CCDC30: variants seen among roughly 807,000 people sequenced by gnomAD.
CCDC30 encodes coiled-coil domain containing 30.
Under a neutral mutation model 100.2 loss-of-function variants are expected in CCDC30, and 70 were observed. That is an observed-to-expected ratio of 0.70 (90% CI 0.58 to 0.85). The LOEUF is 0.85. CCDC30 is among the 40% of genes least tolerant of loss of function. The probability of loss-of-function intolerance (pLI) is 0.00; values close to 1 mark genes in which losing one functional copy is unlikely to be tolerated. For synonymous variants in CCDC30, 233 were observed against 269.5 expected (o/e 0.86, Z 1.33); for missense variants, 652 against 771.2 (o/e 0.85, Z 1.83).
chr1:42,586,475 A>T (rs1646071462), intron 9 of CCDC30, among the ~76,000 whole-genome samples: 1 of 149,840 alleles, frequency 6.7e-6, no homozygotes, highest in South Asian at 2.1e-4. Context: ...CCAGCTAATT[A>T]AAAAAAAAAT....
intron 6 of CCDC30, among the ~76,000 whole-genome samples, chr1:42,548,744 G>GGTCTCTAT (rs1395877349): frequency 1.3e-5 from 2 of 152,122 alleles, no homozygotes; most frequent in Non-Finnish European, 2.9e-5. Context: ...ATTCATGGGT[G>GGTCTCTAT]GTCTCTATGG....
At chr1:42,640,757 G>A (rs983217818) in intron 12 of CCDC30, among the ~76,000 whole-genome samples, 2 of 151,848 alleles carry the variant, frequency 1.3e-5, no homozygotes, top group African/African-American at 2.4e-5. Flanking sequence ...AGCTGGGTGC[G>A]GTGGTGGGCA....
intron 10 of CCDC30, chr1:42,590,745 AAG>A (rs1491057361): frequency 2.0e-5 from 3 of 152,190 alleles, no homozygotes; most frequent in Non-Finnish European, 4.4e-5. Flanking sequence ...CAAAAAAAAA[AAG>A]AGGATGAAAG....
exon 11 of CCDC30, chr1:42,611,002 T>C: frequency 6.2e-7 from 1 of 1,609,894 alleles, no homozygotes; most frequent in East Asian, 2.2e-5. Context: ...CCAGGAATTG[T>C]CAGAGAAGCT....
At chr1:42,642,492 A>C (rs1315363846) in exon 13 of CCDC30, 34 of 1,593,480 alleles carry the variant, frequency 2.1e-5, no homozygotes, top group Middle Eastern at 1.7e-4. Context: ...ATACAGGACC[A>C]GATCACTGCC....
At chr1:42,540,569 A>G (rs1644991747) in intron 6 of CCDC30, among the ~76,000 whole-genome samples, 1 of 152,166 alleles carries the variant, frequency 6.6e-6, no homozygotes, top group Admixed American at 6.5e-5. Context: ...TTATGAAAGT[A>G]CAAAGACTTC....
chr1:42,505,427 A>T (rs1026608621), intron 6 of CCDC30, among the ~76,000 whole-genome samples: 14 of 152,222 alleles, frequency 9.2e-5, no homozygotes, highest in African/African-American at 3.4e-4. Flanking sequence ...AAAAAAACTT[A>T]AAAATAACCA....
chr1:42,456,609 G>A, the CCDC30 span: 8 of 1,531,200 alleles, frequency 5.2e-6, 1 homozygote, highest in Non-Finnish European at 6.1e-6. Context: ...CAGCCTCCCG[G>A]TGCTGCGCGC....
At chr1:42,560,771 G>A (rs116065666) in intron 6 of CCDC30, among the ~76,000 whole-genome samples, 3,456 of 152,158 alleles carry the variant, frequency 0.023, 54 homozygotes, top group Non-Finnish European at 0.033. Context: ...ATGACAAGAG[G>A]ATATCACCAT....
At chr1:42,493,260 A>G (rs1380011155) in intron 4 of CCDC30, among the ~76,000 whole-genome samples, 1 of 152,126 alleles carries the variant, frequency 6.6e-6, no homozygotes, top group Non-Finnish European at 1.5e-5. Context: ...AATCCAAGGC[A>G]TGCAGAAGGA....
intron 6 of CCDC30, among the ~76,000 whole-genome samples, chr1:42,562,645 G>T (rs1000785784): frequency 2.0e-5 from 3 of 152,140 alleles, no homozygotes; most frequent in Non-Finnish European, 4.4e-5. Flanking sequence ...CACAGCAAAA[G>T]AAACTATCAT....
At chr1:42,549,307 T>G (rs576415441) in intron 6 of CCDC30, among the ~76,000 whole-genome samples, 1 of 152,334 alleles carries the variant, frequency 6.6e-6, no homozygotes, top group East Asian at 1.9e-4. Context: ...GTCTTCTTTT[T>G]TCACAAATGA....
intron 1 of CCDC30, among the ~76,000 whole-genome samples, chr1:42,479,565 T>TAAAAAAAAA (rs150749741): frequency 1.4e-5 from 2 of 139,950 alleles, no homozygotes; most frequent in Non-Finnish European, 1.5e-5. Flanking sequence ...AGACATATGC[T>TAAAAAAAAA]TAAAAAAAAA....
At chr1:42,603,944 G>A (rs754015254) in intron 10 of CCDC30, among the ~76,000 whole-genome samples, 10 of 152,180 alleles carry the variant, frequency 6.6e-5, no homozygotes, top group Non-Finnish European at 1.5e-4. Flanking sequence ...GAAGGGACAC[G>A]CATAGTGGCT....
In CCDC30 at chr1:42,562,498, T is replaced by C. The variant is rs537989058; in HGVS notation, c.457-3798T>C. Among the ~76,000 whole-genome samples, 3 of 152,002 alleles carry C rather than the reference T, an allele frequency of 2.0e-5. No homozygotes were observed. The East Asian group carries it at 5.8e-4, about 29-fold the overall frequency. The stretch of plus-strand genomic sequence containing the variant: ...TTAAATGTAAAACTCAAAACCACAA[T>C]AACCCTAGAAGAAAACCTAGGCAAT... On this transcript the variant is annotated intron_variant, in intron 6 of 16. Transcript: ENST00000668663.
rs558965841 is a variant in CCDC30, at chr1:42,601,444, T to C, written c.1165-9534T>C. Among the ~76,000 whole-genome samples, 20 of 152,294 alleles carry C rather than the reference T, an allele frequency of 1.3e-4. 1 individual carries two copies. The East Asian group carries it at 3.9e-3, about 29-fold the overall frequency. ...GGAGATGCAAAACCAGAGTGGCTGTTCTGCACCACCATGCTGTATGAGGCA... is the reference window on the plus strand; with the variant it reads ...GGAGATGCAAAACCAGAGTGGCTGTCCTGCACCACCATGCTGTATGAGGCA... On this transcript the variant is annotated intron_variant, in intron 10 of 16. Coordinates refer to ENST00000668663, the Ensembl canonical transcript of CCDC30.
Position 42,536,778 on chromosome 1 carries a change from G to C in CCDC30, c.457-29518G>C, listed in dbSNP as rs369104754. On this transcript the variant is annotated intron_variant, in intron 6 of 16. Coordinates refer to ENST00000668663, the Ensembl canonical transcript of CCDC30. Reference sequence around the variant, plus strand: ...ATTTTCTCACAGTTATGGAGGAGGGGAAGTCCAAGATCAAGGTGCCAGCCA... The same window carrying C: ...ATTTTCTCACAGTTATGGAGGAGGGCAAGTCCAAGATCAAGGTGCCAGCCA... 101 of 534,968 alleles carry C rather than the reference G, an allele frequency of 1.9e-4. 1 individual carries two copies. The East Asian group carries it at 2.3e-3, about 12-fold the overall frequency. The allele number at this position is 534,968 out of a possible 1,614,324, so 33.1% of individuals were successfully genotyped here.
chr1:42,652,785 C>T (rs765401050), intron 15 of CCDC30, among the ~76,000 whole-genome samples: 2 of 152,080 alleles, frequency 1.3e-5, no homozygotes, highest in Non-Finnish European at 2.9e-5. Flanking sequence ...CATAAAAGGC[C>T]ACATATTGTA....
At chr1:42,597,216 G>A (rs2148618855) in intron 10 of CCDC30, among the ~76,000 whole-genome samples, 1 of 152,272 alleles carries the variant, frequency 6.6e-6, no homozygotes, top group African/African-American at 2.4e-5. Flanking sequence ...AACCAAAGGA[G>A]AAGAAATAGA....
Sources: gnomAD v4.1 joint callset for allele counts (sites outside exome capture counted in the v4.1 genomes callset) on GRCh38, gnomAD v4.1.1 for gene constraint, MANE v1.5 for transcripts, NCBI Gene and HGNC (gene_info 2026-07-23, HGNC 2026-07-21) for gene names.